Variants in SPACA6 observed in about 807,000 individuals in gnomAD.
SPACA6 encodes sperm acrosome membrane-associated protein 6.
For synonymous variants in SPACA6, 6 were observed against 1.5 expected, an observed-to-expected ratio of 4.05 and a Z score of -2.21; for missense variants, 8 against 2.8, an observed-to-expected ratio of 2.88 and a Z score of -1.34.
chr19:51,711,967 G>A (rs933945385), intron 2 of SPACA6: 1 of 152,078 alleles, frequency 6.6e-6, no homozygotes, highest in South Asian at 2.1e-4. Flanking sequence ...ATTAGATTAT[G>A]GTGGTGGCTG....
chr19:51,685,711 C>A (rs2083325220), upstream of SPACA6: 1 of 152,114 alleles, frequency 6.6e-6, no homozygotes. Flanking sequence ...AGATGGGAAT[C>A]CCACTATGTT....
chr19:51,698,825 G>A (rs571610688), intron 2 of SPACA6, among the ~76,000 whole-genome samples: 178 of 152,262 alleles, frequency 1.2e-3, no homozygotes, highest in African/African-American at 4.0e-3. Context: ...TAAGTCTTGT[G>A]GTAGGCACTT....
chr19:51,694,694 G>GAGCTC (rs767579034), intron 2 of SPACA6, 139 bp downstream of exon 2: 56 of 397,552 alleles, frequency 1.4e-4, no homozygotes, highest in Non-Finnish European at 2.3e-4. Context: ...GGAAGACATT[G>GAGCTC]AGCTCAGCTA....
chr19:51,708,858 T>TA (rs759534089), downstream of SPACA6, among the ~76,000 whole-genome samples: 3,332 of 130,118 alleles, frequency 0.026, 35 homozygotes, highest in Non-Finnish European at 0.035. Context: ...AGACTCTGTC[T>TA]AAAAAAAAAA....
rs1423353425 is a variant in SPACA6 at position 51,710,381 on chromosome 19, T to G, written n.200-1652T>G. On this transcript the variant is annotated intron_variant and non_coding_transcript_variant, in intron 2 of 2. Coordinates refer to the SPACA6 transcript ENST00000573896. ...GAAAAAAATGTTTTAGACTTCCATG[T>G]GGTAGTGGCTAGTGATGGACAGTTA... Among the ~76,000 whole-genome samples, 3 of 152,188 alleles carry G rather than the reference T, an allele frequency of 2.0e-5. No homozygotes were observed. In the East Asian group the frequency reaches 5.8e-4, roughly 29 times the overall value.
intron 2 of SPACA6, among the ~76,000 whole-genome samples, chr19:51,698,479 T>C (rs1043252843): frequency 6.6e-6 from 1 of 152,178 alleles, no homozygotes; most frequent in Non-Finnish European, 1.5e-5. Context: ...GTCATTTGAT[T>C]TGGCACATAG....
At chr19:51,691,756 G>T (rs2083375079), upstream of SPACA6, among the ~76,000 whole-genome samples, 1 of 152,002 alleles carries the variant, frequency 6.6e-6, no homozygotes, top group Non-Finnish European at 1.5e-5. Flanking sequence ...AGTCCAGGAG[G>T]AGGGGCTGGG....
intron 2 of SPACA6, among the ~76,000 whole-genome samples, chr19:51,695,534 A>G (rs767495826): frequency 6.6e-6 from 1 of 152,130 alleles, no homozygotes; most frequent in Non-Finnish European, 1.5e-5. Flanking sequence ...GTTCCCATCC[A>G]CCCAGGGGGC....
At chr19:51,691,203 AGAGAG>A (rs1796598167), upstream of SPACA6, among the ~76,000 whole-genome samples, 1 of 16,640 alleles carries the variant, frequency 6.0e-5, no homozygotes. Flanking sequence ...GAAGGAGAAA[AGAGAG>A]AGAGAGAAGG....
At chr19:51,697,133 C>G (rs1286256040) in intron 2 of SPACA6, among the ~76,000 whole-genome samples, 1 of 152,166 alleles carries the variant, frequency 6.6e-6, no homozygotes, top group Non-Finnish European at 1.5e-5. Context: ...TGCTGCTGCT[C>G]CGGGAACACT....
intron 2 of SPACA6, among the ~76,000 whole-genome samples, chr19:51,698,399 C>T (rs866862889): frequency 2.6e-5 from 4 of 152,186 alleles, no homozygotes; most frequent in African/African-American, 9.7e-5. Context: ...CTTATACTCC[C>T]CTGGTGGAGT....
downstream of SPACA6, among the ~76,000 whole-genome samples, chr19:51,707,397 A>G (rs1214743753): frequency 6.6e-6 from 1 of 151,916 alleles, no homozygotes; most frequent in Non-Finnish European, 1.5e-5. Context: ...TAATTTTTGT[A>G]TTTTTAGTAG....
chr19:51,690,650 C>T (rs550440389), upstream of SPACA6, among the ~76,000 whole-genome samples: 17 of 152,242 alleles, frequency 1.1e-4, 1 homozygote, highest in South Asian at 2.7e-3. Flanking sequence ...CTACCCCTTC[C>T]CCAAAGCGGG....
chr19:51,699,527 G>A (rs761433061), intron 2 of SPACA6, among the ~76,000 whole-genome samples: 1 of 152,178 alleles, frequency 6.6e-6, no homozygotes, highest in Admixed American at 6.5e-5. Context: ...TGGGTGACTC[G>A]AACAACAGAA....
downstream of SPACA6, among the ~76,000 whole-genome samples, chr19:51,707,454 C>T (rs1376135312): frequency 6.6e-6 from 1 of 152,002 alleles, no homozygotes; most frequent in Non-Finnish European, 1.5e-5. Context: ...AACTCCTGAC[C>T]TCAAGTGATT....
the SPACA6 span, among the ~76,000 whole-genome samples, chr19:51,684,034 A>G: frequency 6.6e-6 from 1 of 151,986 alleles, no homozygotes; most frequent in Non-Finnish European, 1.5e-5. Context: ...AAAATCTTGG[A>G]TTCTAACCAG....
At chr19:51,690,970 G>T, upstream of SPACA6, among the ~76,000 whole-genome samples, 1 of 151,542 alleles carries the variant, frequency 6.6e-6, no homozygotes, top group East Asian at 2.0e-4. Flanking sequence ...CCTGACTCTC[G>T]CCCCCGCCTG....
At chr19:51,704,997 G>A (rs961662786) in intron 8 of SPACA6, 93 bp from the exon 9 acceptor site, 13 of 366,598 alleles carry the variant, frequency 3.5e-5, no homozygotes, top group Middle Eastern at 3.2e-4. Flanking sequence ...TCCGGGCCCT[G>A]TACACCTTTT....
At chr19:51,701,092 C>T (rs544325200) in intron 2 of SPACA6, among the ~76,000 whole-genome samples, 1 of 152,188 alleles carries the variant, frequency 6.6e-6, no homozygotes, top group South Asian at 2.1e-4. Flanking sequence ...CGTGGTGGTG[C>T]ACACCTGCAG....
Sources: gnomAD v4.1 joint callset for allele counts (sites outside exome capture counted in the v4.1 genomes callset) on GRCh38, gnomAD v4.1.1 for gene constraint, MANE v1.5 for transcripts, NCBI Gene and HGNC (gene_info 2026-07-23, HGNC 2026-07-21) for gene names.